CUL9: variants seen among roughly 807,000 people sequenced by gnomAD.
The protein encoded by CUL9 is cullin-9.
CUL9 carries 79 observed loss-of-function variants against 272.6 expected under a neutral mutation model. The observed-to-expected ratio is 0.29, with a 90% CI of 0.24 to 0.35. The LOEUF (loss-of-function observed/expected upper bound fraction) is 0.35. CUL9 is among the 10% of genes least tolerant of loss of function. The pLI is 1.00. For synonymous variants in CUL9, 1,186 were observed against 1,286.5 expected (o/e 0.92, Z 1.67); for missense variants, 2,532 against 3,255.6 (o/e 0.78, Z 5.41).
At chr6:43,214,824 A>T (rs1324828997) in intron 29 of CUL9, among the ~76,000 whole-genome samples, 1 of 151,984 alleles carries the variant, frequency 6.6e-6, no homozygotes, top group African/African-American at 2.4e-5. Context: ...AAACTTAGTA[A>T]CTAATCCACA....
At chr6:43,210,091 G>A (rs544336149) in intron 26 of CUL9, among the ~76,000 whole-genome samples, 1 of 152,260 alleles carries the variant, frequency 6.6e-6, no homozygotes, top group East Asian at 1.9e-4. Flanking sequence ...CAATTCTCCT[G>A]CCTCAGCCTC....
chr6:43,188,249 T>C, intron 7 of CUL9, 131 bp downstream of exon 7: 1 of 1,043,556 alleles, frequency 9.6e-7, no homozygotes, highest in South Asian at 1.6e-5. Context: ...CTTGGAACCA[T>C]GCGTCCATCT....
At position 43,221,155 on chromosome 6, in the gene CUL9, T is replaced by C. The variant is rs775633164; in HGVS notation, c.6589-3T>C. 6.2e-7 allele frequency: 1 copy of C among 1,609,794 alleles called. No homozygotes were observed. Among genetic ancestry groups the C allele is most frequent in the South Asian group, 1.1e-5 (1 of 90,930 alleles). On this transcript the variant is annotated splice_polypyrimidine_tract_variant and splice_region_variant and intron_variant, in intron 33 of 40. Coordinates refer to ENST00000252050, the MANE Select transcript of CUL9 (RefSeq NM_015089.4). The surrounding 1 kb of genome is among the most constrained non-coding windows in gnomAD (Gnocchi z 4.2). ...GTGTCCCCACCATGCCCTCTTGCCT[T>C]AGGCACACTACCCTGCTAGCTGTGG...
rs1315369848 is a variant in CUL9, at chr6:43,204,417, A to G, written c.4217A>G (p.Glu1406Gly). ...CTGGATCAGTACTTAGAACAGAGAGAGACCTCTCGGAACCCCTTGAGTCGA... is the reference window on the plus strand; with the variant it reads ...CTGGATCAGTACTTAGAACAGAGAGGGACCTCTCGGAACCCCTTGAGTCGA... ...WLLDQYLEQR[E>G]TSRNPLSRAA... Residue 1406 changes from glutamate to glycine, a missense_variant, in exon 21 of 41, where the codon GAG (glutamate) becomes GGG (glycine). This residue lies in a region of CUL9 where 2,218 missense variants were observed against 2,788.6 expected (regional missense o/e 0.80). Transcript: ENST00000252050. The G allele has an allele frequency of 1.2e-6, 2 of 1,613,946 alleles. No homozygotes were observed. The highest frequency in any genetic ancestry group is 2.2e-5 in the East Asian group (1 of 44,876).
At chr6:43,209,587 C>T (rs1443696141) in intron 26 of CUL9, among the ~76,000 whole-genome samples, 1 of 152,186 alleles carries the variant, frequency 6.6e-6, no homozygotes, top group African/African-American at 2.4e-5. Context: ...AGTTCCCCAT[C>T]CTTTCTTTCT....
At chr6:43,207,525 G>A (rs973594030) in intron 26 of CUL9, among the ~76,000 whole-genome samples, 2 of 152,036 alleles carry the variant, frequency 1.3e-5, no homozygotes, top group African/African-American at 4.8e-5. Context: ...TACCCTTTCT[G>A]CTGTTTATGG....
intron 4 of CUL9, 24 bp from the exon 5 acceptor site, chr6:43,186,936 C>T (rs201998696): frequency 6.2e-7 from 1 of 1,612,308 alleles, no homozygotes; most frequent in Non-Finnish European, 8.5e-7. Flanking sequence ...CTATTCTGCT[C>T]TCTTTCTTCC....
rs1776270945 is a variant in CUL9 at position 43,220,550 on chromosome 6, C to T, written c.6374C>T (p.Thr2125Ile). 6.2e-7 allele frequency: 1 copy of T among 1,614,038 alleles called. No homozygotes were observed. The highest frequency in any genetic ancestry group is 8.5e-7 in the Non-Finnish European group (1 of 1,180,042). The change falls in exon 32 of 41, where the codon ACC becomes ATC. Residue 2125 changes from threonine (T) to isoleucine (I), a missense_variant. By Grantham distance (89) the Thr-to-Ile change is moderately conservative. Coordinates refer to ENST00000252050, the MANE Select transcript of CUL9 (RefSeq NM_015089.4). The surrounding 1 kb of genome is among the most constrained non-coding windows in gnomAD (Gnocchi z 4.9). ...CPIADCPAQP[T>I]GAFIRAIVSS... ...ATTGCCGACTGCCCCGCCCAGCCCA[C>T]CGGAGCCTTCATTCGTGCCATCGTC...
chr6:43,198,050 G>A (rs980920584), intron 11 of CUL9, among the ~76,000 whole-genome samples: 2 of 152,084 alleles, frequency 1.3e-5, no homozygotes, highest in Non-Finnish European at 2.9e-5. Flanking sequence ...AGACCAGCCC[G>A]GCCAACATGG....
At chr6:43,202,686 G>C in intron 16 of CUL9, 30 bp from the exon 17 acceptor site, 1 of 1,602,576 alleles carries the variant, frequency 6.2e-7, no homozygotes, top group Non-Finnish European at 8.5e-7. Context: ...CAGAGGCCCA[G>C]CTTTGACTGT....
In CUL9 at chr6:43,215,106, A is replaced by T. The variant is rs1775828107; in HGVS notation, c.5716A>T (p.Asn1906Tyr). 6.2e-7 allele frequency: 1 copy of T among 1,611,902 alleles called. No individual in the cohort carries two copies. Among genetic ancestry groups the T allele is most frequent in the Non-Finnish European group, 8.5e-7 (1 of 1,178,578 alleles). Residue 1906 changes from asparagine to tyrosine, a missense_variant, in exon 30 of 41, where the codon AAT (asparagine) becomes TAT (tyrosine). Transcript: ENST00000252050. ...GCTGGAGGCCTGGCAGAAGGGTCCAAATCCTCCTGGAACCCTGGGCCACAC... is the reference window on the plus strand; with the variant it reads ...GCTGGAGGCCTGGCAGAAGGGTCCATATCCTCCTGGAACCCTGGGCCACAC... ...LVLEAWQKGP[N>Y]PPGTLGHTVA...
Position 43,216,497 on chromosome 6 carries a change from C to T in CUL9, c.6276C>T (p.Cys2092=), listed in dbSNP as rs1305042755. 1 of 1,585,906 alleles carries T rather than the reference C, an allele frequency of 6.3e-7. No homozygotes were observed. Among genetic ancestry groups the T allele is most frequent in the Admixed American group, 1.7e-5 (1 of 59,188 alleles). Residue 2092 remains cysteine (C), a synonymous_variant, in exon 31 of 41, where the codon TGC becomes TGT. Transcript: ENST00000252050. ...CCTCTCTCTGCTGCATGCACTATTGCTGTAAGGTGAGGCCCCACCAGCATT... is the reference window on the plus strand; with the variant it reads ...CCTCTCTCTGCTGCATGCACTATTGTTGTAAGGTGAGGCCCCACCAGCATT... ...DLPSLCCMHY[C]CKSCWNEYLT...
chr6:43,218,860 A>G lies in CUL9; in HGVS notation c.6283-1599A>G, dbSNP rs1049967373. Among the ~76,000 whole-genome samples, 6 of 152,082 alleles carry G rather than the reference A, an allele frequency of 3.9e-5. No homozygotes were observed. The highest frequency in any genetic ancestry group is 8.8e-5 in the Non-Finnish European group (6 of 68,024). ...GGACACCTGTGTGGAACTGGCAGGT[A>G]GACAGTGGATTTTTGAATTTGGAAT... is the stretch of plus-strand genomic sequence containing the variant. On this transcript the variant is annotated intron_variant, in intron 31 of 40. Transcript: ENST00000252050. This position sits in a 1 kb window ranked among gnomAD's most constrained non-coding sequence, Gnocchi z 4.4.
intron 17 of CUL9, 21 bp downstream of exon 17, chr6:43,202,842 C>CT: frequency 6.2e-7 from 1 of 1,603,134 alleles, no homozygotes; most frequent in Non-Finnish European, 8.5e-7. Context: ...TTGTGCCCAC[C>CT]TTCACCTTGC....
intron 1 of CUL9, among the ~76,000 whole-genome samples, chr6:43,183,518 C>A (rs1772615314): frequency 1.3e-5 from 2 of 152,178 alleles, no homozygotes; most frequent in South Asian, 4.1e-4. Flanking sequence ...CTCACATGTT[C>A]TGATCCCACT....
chr6:43,198,727 G>A lies in CUL9; in HGVS notation c.2922G>A (p.Glu974=), dbSNP rs748623255. The A allele has an allele frequency of 4.3e-6, 7 of 1,614,150 alleles. No individual in the cohort carries two copies. Among genetic ancestry groups the A allele is most frequent in the Non-Finnish European group, 5.9e-6 (7 of 1,180,012 alleles). The change falls in exon 12 of 41, where the codon GAG becomes GAA. Residue 974 remains glutamate, a synonymous_variant. Transcript: ENST00000252050. ...LLDLERVLCR[E]GSPGGAVRPL... is the part of the protein sequence containing the mutation. The stretch of plus-strand genomic sequence containing the variant: ...ACTTGGAGCGTGTGCTGTGCCGTGA[G>A]GGCAGCCCCGGAGGTGCCGTGAGGC...
At chr6:43,211,655 TA>T (rs201807488) in intron 26 of CUL9, among the ~76,000 whole-genome samples, 1,543 of 152,322 alleles carry the variant, frequency 0.01, 22 homozygotes, top group African/African-American at 0.034. Context: ...CACCCTCATT[TA>T]AAAAGTCTTT....
intron 16 of CUL9, among the ~76,000 whole-genome samples, chr6:43,201,672 G>A (rs557547739): frequency 6.6e-6 from 1 of 152,156 alleles, no homozygotes; most frequent in Non-Finnish European, 1.5e-5. Flanking sequence ...GTAGAGACGG[G>A]GTTTCACCGT....
chr6:43,193,018 T>C lies in CUL9; in HGVS notation c.2198T>C (p.Met733Thr). 6.2e-7 allele frequency: 1 copy of C among 1,614,082 alleles called. No homozygotes were observed. Among genetic ancestry groups the C allele is most frequent in the Non-Finnish European group, 8.5e-7 (1 of 1,179,952 alleles). ...CTTGTCAGAGAGAAGCTAGTGAAGA[T>C]GCTGGTGGAGCTGCTGACCAACCAG... Reference protein sequence around the residue: ...DRSLREKLVKMLVELLTNQVG... With the variant: ...DRSLREKLVKTLVELLTNQVG... Residue 733 changes from methionine to threonine, a missense_variant, in exon 9 of 41, where the codon ATG becomes ACG. By Grantham distance (81) the Met-to-Thr change is moderately conservative. Transcript: ENST00000252050.
Sources: gnomAD v4.1 joint callset for allele counts (sites outside exome capture counted in the v4.1 genomes callset) on GRCh38, gnomAD v4.1.1 for gene constraint, gnomAD v4.1.1 regional missense constraint, Gnocchi (gnomAD v3.1) non-coding constraint, MANE v1.5 for transcripts, NCBI Gene and HGNC (gene_info 2026-07-23, HGNC 2026-07-21) for gene names.